Variants in MYH14 observed in about 807,000 individuals in gnomAD.
MYH14 encodes myosin-14.
MYH14 carries 123 observed loss-of-function variants against 255.5 expected under a neutral mutation model. That is an observed-to-expected ratio of 0.48 (90% CI 0.42 to 0.56). The LOEUF (loss-of-function observed/expected upper bound fraction) is 0.56. Ranked by LOEUF, MYH14 falls within the 20% of genes least tolerant of loss-of-function variation. The pLI is 0.00. For missense variants in MYH14, 2,423 were observed against 2,802.3 expected (o/e 0.86, Z 3.06); for synonymous variants, 1,095 against 1,161.2 (o/e 0.94, Z 1.16).
At chr19:50,238,900 A>T (rs747502294) in intron 10 of MYH14, among the ~76,000 whole-genome samples, 1 of 152,188 alleles carries the variant, frequency 6.6e-6, no homozygotes, top group Non-Finnish European at 1.5e-5. Context: ...ATTTCCTACG[A>T]ACATTCCTTT....
chr19:50,270,698 A>T (rs866568601), intron 24 of MYH14, among the ~76,000 whole-genome samples: 10 of 49,006 alleles, frequency 2.0e-4, no homozygotes, highest in African/African-American at 9.0e-4. Context: ...TTTATTATTT[A>T]TTTATTTTTT....
At chr19:50,225,722 G>C (rs1600884400) in intron 7 of MYH14, 45 bp downstream of exon 7, 1 of 1,496,594 alleles carries the variant, frequency 6.7e-7, no homozygotes, top group Non-Finnish European at 9.3e-7. Context: ...AGGGATACAG[G>C]AGCTGGGAAC....
intron 12 of MYH14, 137 bp downstream of exon 12, chr19:50,247,259 G>A: frequency 1.6e-6 from 1 of 631,332 alleles, no homozygotes; most frequent in Non-Finnish European, 2.8e-6. Flanking sequence ...TCCTGGTCTA[G>A]GTGCCAGGCG....
intron 33 of MYH14, chr19:50,286,201 A>T: frequency 3.4e-6 from 1 of 296,626 alleles, no homozygotes; most frequent in Non-Finnish European, 6.3e-6. Flanking sequence ...TTAAAAATAT[A>T]TATATGTGTA....
chr19:50,278,170 C>T lies in MYH14; in HGVS notation c.3913C>T (p.Arg1305Cys), dbSNP rs755704452. Residue 1305 changes from arginine (R) to cysteine (C), a missense_variant, in exon 30 of 43, where the codon CGT (arginine) becomes TGT (cysteine). By Grantham distance (180) the Arg-to-Cys change is radical (BLOSUM62 -3). Transcript: ENST00000642316. ...RAELSSLQTA[R>C]QEGEQRRRRL... ...AGAACTGAGCAGCCTGCAGACTGCA[C>T]GTCAGGAGGGTGAGCAGCGGAGGCG... 66 of 1,612,760 alleles carry T rather than the reference C, an allele frequency of 4.1e-5. No homozygotes were observed. Among genetic ancestry groups the T allele is most frequent in the Non-Finnish European group, 4.7e-5 (55 of 1,179,356 alleles).
chr19:50,263,479 T>C, intron 22 of MYH14, 59 bp downstream of exon 22: 1 of 1,287,214 alleles, frequency 7.8e-7, no homozygotes. Context: ...TGGGGCTTGG[T>C]CTGCTTGACA....
At chr19:50,305,479 C>T (rs752233325) in intron 40 of MYH14, among the ~76,000 whole-genome samples, 9 of 152,122 alleles carry the variant, frequency 5.9e-5, no homozygotes, top group East Asian at 3.9e-4. Context: ...CAGAAGGAAA[C>T]GGCCCCAGAG....
At chr19:50,239,725 A>G (rs1568488020) in intron 10 of MYH14, among the ~76,000 whole-genome samples, 1 of 151,830 alleles carries the variant, frequency 6.6e-6, no homozygotes, top group Non-Finnish European at 1.5e-5. Context: ...AATTTTTTGT[A>G]TTTTTAGTAG....
rs987000478 is a variant in MYH14, at chr19:50,223,178, G to A, written c.590+68G>A. On this transcript the variant is annotated intron_variant, in intron 4 of 42. Coordinates refer to ENST00000642316, the MANE Select transcript of MYH14 (RefSeq NM_001145809.2). ...GTGGGGCGTGGCTGTGTTTGGAATG[G>A]GCAGGGCAGGTGGGGAGCTTGCCTG... The A allele has an allele frequency of 6.2e-6, 10 of 1,606,760 alleles. No homozygotes were observed. The African/African-American group carries it at 1.2e-4, about 19-fold the overall frequency.
Position 50,245,436 on chromosome 19 carries a change from G to GAAGA in MYH14, c.1210+1110_1210+1113dup, listed in dbSNP as rs1379162980. Among the ~76,000 whole-genome samples, 4 of 128,308 alleles carry GAAGA rather than the reference G, an allele frequency of 3.1e-5. No homozygotes were observed. The East Asian group carries it at 1.1e-3, about 35-fold the overall frequency. The allele number at this position is 128,308 out of a possible 152,430, so 84.2% of individuals were successfully genotyped here. A position where few individuals can be genotyped will look rare whatever the true frequency, so the allele number is the denominator to read the frequency against. On this transcript the variant is annotated intron_variant, in intron 11 of 42. Coordinates refer to ENST00000642316, the MANE Select transcript of MYH14 (RefSeq NM_001145809.2). ...ATCTGTCTCCAAAAAAAAAAAAGAA[G>GAAGA]AAGAAAGAAAGAAAAAGAAGAAGAA...
intron 24 of MYH14, 51 bp from the exon 25 acceptor site, chr19:50,271,358 C>G: frequency 1.9e-6 from 3 of 1,563,194 alleles, no homozygotes; most frequent in Non-Finnish European, 2.6e-6. Flanking sequence ...TTCCCCATCA[C>G]ACTCCATCTA....
chr19:50,215,491 T>G (rs1331257317), intron 2 of MYH14, among the ~76,000 whole-genome samples: 2 of 152,188 alleles, frequency 1.3e-5, no homozygotes, highest in Non-Finnish European at 2.9e-5. Context: ...CACACCCTAC[T>G]GTGCTTGAGA....
intron 22 of MYH14, among the ~76,000 whole-genome samples, chr19:50,265,597 G>T (rs184388012): frequency 4.3e-4 from 66 of 152,128 alleles, no homozygotes; most frequent in African/African-American, 1.5e-3. Flanking sequence ...GAGGCAGGTG[G>T]ATCACTTCAG....
chr19:50,207,036 G>T (rs527311728), intron 1 of MYH14, among the ~76,000 whole-genome samples: 1 of 127,090 alleles, frequency 7.9e-6, no homozygotes, highest in Admixed American at 9.4e-5. Context: ...AACATAGGGA[G>T]ACCCTGTTTC....
rs1162146825 is a variant in MYH14 at position 50,230,927 on chromosome 19, T to TCG, written c.973+309_973+310dup. On this transcript the variant is annotated intron_variant, in intron 9 of 42. Transcript: ENST00000642316. The surrounding 1 kb of genome is among the most constrained non-coding windows in gnomAD (Gnocchi z 4.7). ...CTTCCGAAGCTCCGTGGCTTCTCTC[T>TCG]CGCGCGGCTTCTCCTCACTCCGGCG... The TCG allele has an allele frequency of 7.8e-6, 3 of 382,338 alleles. No individual in the cohort carries two copies. Among genetic ancestry groups the TCG allele is most frequent in the African/African-American group, 6.2e-5 (3 of 48,466 alleles). The allele number at this position is 382,338 out of a possible 1,614,324, so 23.7% of individuals were successfully genotyped here. A position where few individuals can be genotyped will look rare whatever the true frequency, so the allele number is the denominator to read the frequency against.
chr19:50,301,657 A>G lies in MYH14; in HGVS notation c.5470-4A>G. 6.2e-7 allele frequency: 1 copy of G among 1,608,412 alleles called. No homozygotes were observed. Among genetic ancestry groups the G allele is most frequent in the South Asian group, 1.1e-5 (1 of 90,994 alleles). On this transcript the variant is annotated splice_region_variant and splice_polypyrimidine_tract_variant and intron_variant, in intron 39 of 42. Coordinates refer to ENST00000642316, the MANE Select transcript of MYH14 (RefSeq NM_001145809.2). The stretch of plus-strand genomic sequence containing the variant: ...TGACATCCTTCCTTCCCCTCCTGCT[A>G]CAGGTAGAGTCACTGACCACAGAGC...
chr19:50,294,713 G>A (rs1335717981), intron 39 of MYH14, among the ~76,000 whole-genome samples: 2 of 145,474 alleles, frequency 1.4e-5, no homozygotes, highest in Non-Finnish European at 3.0e-5. Context: ...TGGGTGACTG[G>A]ATGACAGAGT....
At chr19:50,212,540 C>G (rs78568590) in intron 2 of MYH14, among the ~76,000 whole-genome samples, 1 of 152,184 alleles carries the variant, frequency 6.6e-6, no homozygotes, top group African/African-American at 2.4e-5. Context: ...GGAATCACGC[C>G]AGGATTTGAA....
rs947957035 is a variant in MYH14, at chr19:50,203,652, C to CG, written c.-20dup. On this transcript the variant is annotated 5_prime_UTR_variant, in exon 1 of 43. Coordinates refer to ENST00000642316, the MANE Select transcript of MYH14 (RefSeq NM_001145809.2). Reference sequence around the variant, plus strand: ...CCTCTTTCTCCCCAGGCCGAAGCCTCGGGACGGCCCTGGAAGCCGGTGAGT... The same window carrying CG: ...CCTCTTTCTCCCCAGGCCGAAGCCTCGGGGACGGCCCTGGAAGCCGGTGAGT... 4 of 152,396 alleles carry CG rather than the reference C, an allele frequency of 2.6e-5. No homozygotes were observed. The highest frequency in any genetic ancestry group is 5.9e-5 in the Non-Finnish European group (4 of 68,218). The allele number at this position is 152,396 out of a possible 1,614,324, so 9.4% of individuals were successfully genotyped here.
Sources: gnomAD v4.1 joint callset for allele counts (sites outside exome capture counted in the v4.1 genomes callset) on GRCh38, gnomAD v4.1.1 for gene constraint, Gnocchi (gnomAD v3.1) non-coding constraint, MANE v1.5 for transcripts, NCBI Gene and HGNC (gene_info 2026-07-23, HGNC 2026-07-21) for gene names.